Variants in PRELID2 observed in about 807,000 individuals in gnomAD.
PRELID2 encodes PRELI domain-containing protein 2.
A neutral mutation model predicts 28.4 loss-of-function variants in PRELID2; 25 were observed. The ratio of observed to expected loss-of-function variants is 0.88; its 90% confidence interval spans 0.64 to 1.23. The LOEUF is 1.23. Among genes scored for constraint, PRELID2 ranks in the 50% most tolerant of loss-of-function variants. The pLI is 0.00. For synonymous variants in PRELID2, 76 were observed against 71.6 expected, an observed-to-expected ratio of 1.06 and a Z score of -0.31; for missense variants, 201 against 214.4, an observed-to-expected ratio of 0.94 and a Z score of 0.39.
At chr5:145,652,333 G>A (rs1444613782) in intron 1 of PRELID2, among the ~76,000 whole-genome samples, 1 of 152,140 alleles carries the variant, frequency 6.6e-6, no homozygotes, top group Non-Finnish European at 1.5e-5. Flanking sequence ...CACTCTGCAG[G>A]ATGTTATCCA....
the PRELID2 span, among the ~76,000 whole-genome samples, chr5:145,294,104 T>C: frequency 6.6e-6 from 1 of 152,180 alleles, no homozygotes; most frequent in Non-Finnish European, 1.5e-5. Context: ...CACATCTTTT[T>C]GAAAAATTAT....
intron 1 of PRELID2, among the ~76,000 whole-genome samples, chr5:145,529,014 C>T (rs1425852337): frequency 6.6e-6 from 1 of 152,168 alleles, no homozygotes; most frequent in Non-Finnish European, 1.5e-5. Context: ...CCTCCGTTTT[C>T]CCTGCTAGGG....
chr5:145,817,450 A>T (rs1413463083), intron 4 of PRELID2, among the ~76,000 whole-genome samples: 7 of 48,980 alleles, frequency 1.4e-4, no homozygotes, highest in African/African-American at 3.8e-4. Flanking sequence ...TATATATATC[A>T]CATGGTTTAA....
At chr5:145,756,295 T>C (rs1417901301), downstream of PRELID2, among the ~76,000 whole-genome samples, 1 of 152,184 alleles carries the variant, frequency 6.6e-6, no homozygotes, top group Non-Finnish European at 1.5e-5. Context: ...AACCACAAGC[T>C]TGGCTGAGAG....
At position 145,695,267 on chromosome 5, in the gene PRELID2, C is replaced by T. The variant is rs377260328; in HGVS notation, n.70+69664G>A. Among the ~76,000 whole-genome samples, 93 of 152,208 alleles carry T rather than the reference C, an allele frequency of 6.1e-4. 2 individuals carry two copies. The South Asian group carries it at 0.018, about 29-fold the overall frequency. The stretch of plus-strand genomic sequence containing the variant: ...CTGAAAGATGAGAATAAGTCAGTCA[C>T]GTCAAGAGGCAGAAGAAGAGCTGCT... On this transcript the variant is annotated intron_variant and non_coding_transcript_variant, in intron 1 of 2. Transcript: ENST00000510259.
chr5:145,312,172 T>A, the PRELID2 span, among the ~76,000 whole-genome samples: 1 of 149,772 alleles, frequency 6.7e-6, no homozygotes, highest in African/African-American at 2.4e-5. Context: ...ATGATGAGAC[T>A]CTGTCTCTAC....
intron 1 of PRELID2, among the ~76,000 whole-genome samples, chr5:145,613,649 T>G (rs1753654577): frequency 6.6e-6 from 1 of 152,146 alleles, no homozygotes; most frequent in South Asian, 2.1e-4. Context: ...TTGTCTATTC[T>G]TAACCCACTT....
At chr5:145,600,587 T>C (rs73311508) in intron 1 of PRELID2, among the ~76,000 whole-genome samples, 18,153 of 151,430 alleles carry the variant, frequency 0.12, 3,047 homozygotes, top group African/African-American at 0.38. Flanking sequence ...GTAGCACTCT[T>C]TGGCTTTTAG....
chr5:145,366,950 A>G, the PRELID2 span, among the ~76,000 whole-genome samples: 1 of 151,948 alleles, frequency 6.6e-6, no homozygotes, highest in Admixed American at 6.6e-5. Context: ...TCTAAAAGCC[A>G]TCAATAGGTA....
chr5:145,254,357 A>G, the PRELID2 span, among the ~76,000 whole-genome samples: 2 of 152,108 alleles, frequency 1.3e-5, no homozygotes, highest in African/African-American at 2.4e-5. Flanking sequence ...TGAGGGATTT[A>G]AAAAAACAAA....
rs866326052 is a variant in PRELID2, at chr5:145,741,112, T to C, written n.70+23819A>G. Among the ~76,000 whole-genome samples, 407 of 117,268 alleles carry C rather than the reference T, an allele frequency of 3.5e-3. 4 individuals are homozygous for C. The highest frequency in any genetic ancestry group is 0.014 in the African/African-American group (396 of 29,006). The allele number at this position is 117,268 out of a possible 152,430, so 76.9% of individuals were successfully genotyped here. A position where few individuals can be genotyped will look rare whatever the true frequency, so the allele number is the denominator to read the frequency against. Reference sequence around the variant, plus strand: ...AAATATACATATTTTATGCTTTACATATAAATATATAATATATAAATATAT... The same window carrying C: ...AAATATACATATTTTATGCTTTACACATAAATATATAATATATAAATATAT... On this transcript the variant is annotated intron_variant and non_coding_transcript_variant, in intron 1 of 2. Coordinates refer to the PRELID2 transcript ENST00000510259.
chr5:145,542,513 TG>T (rs1752751744), intron 1 of PRELID2, among the ~76,000 whole-genome samples: 1 of 152,056 alleles, frequency 6.6e-6, no homozygotes, highest in Admixed American at 6.6e-5. Flanking sequence ...ACTTCACTAT[TG>T]GGAGAAAAAA....
intron 5 of PRELID2, among the ~76,000 whole-genome samples, chr5:145,790,357 C>T (rs1259817287): frequency 6.6e-6 from 1 of 151,938 alleles, no homozygotes; most frequent in Non-Finnish European, 1.5e-5. Flanking sequence ...CATGGATAAA[C>T]CTGGAGAACA....
chr5:145,828,962 C>T (rs1293489137), intron 1 of PRELID2, among the ~76,000 whole-genome samples: 4 of 151,486 alleles, frequency 2.6e-5, no homozygotes, highest in Admixed American at 6.6e-5. Context: ...CTCAGCCTCC[C>T]GAGTACCTGG....
chr5:145,357,552 T>C, the PRELID2 span, among the ~76,000 whole-genome samples: 2 of 152,350 alleles, frequency 1.3e-5, no homozygotes, highest in African/African-American at 2.4e-5. Flanking sequence ...GCAATGGTAC[T>C]ATGAAATTCT....
chr5:145,757,690 A>G lies in PRELID2; in HGVS notation c.*2846T>C, dbSNP rs114572387. Among the ~76,000 whole-genome samples, 1,316 of 152,104 alleles carry G rather than the reference A, an allele frequency of 8.7e-3. 15 individuals are homozygous for G. Among genetic ancestry groups the G allele is most frequent in the African/African-American group, 0.029 (1,203 of 41,516 alleles). ...TTAATTCCAAAAAGAGGACAGACAC[A>G]GTGGCTCAAGCCTGTAATCCCAGCA... On this transcript the variant is annotated 3_prime_UTR_variant, in exon 7 of 7. Transcript: ENST00000683046.
chr5:145,291,813 T>A, the PRELID2 span, among the ~76,000 whole-genome samples: 1 of 152,212 alleles, frequency 6.6e-6, no homozygotes, highest in African/African-American at 2.4e-5. Flanking sequence ...AAAGTATAAA[T>A]TCGGTGTCTT....
At chr5:145,286,521 G>T in the PRELID2 span, among the ~76,000 whole-genome samples, 4 of 151,942 alleles carry the variant, frequency 2.6e-5, no homozygotes, top group African/African-American at 9.7e-5. Context: ...ATATTGAGTC[G>T]GATTGAAATT....
chr5:145,620,498 C>T (rs547587863), intron 1 of PRELID2, among the ~76,000 whole-genome samples: 18 of 152,254 alleles, frequency 1.2e-4, no homozygotes, highest in Admixed American at 3.3e-4. Context: ...TGTGAGGGAG[C>T]ACTAGGTATA....
Sources: gnomAD v4.1 joint callset for allele counts (sites outside exome capture counted in the v4.1 genomes callset) on GRCh38, gnomAD v4.1.1 for gene constraint, MANE v1.5 for transcripts, NCBI Gene and HGNC (gene_info 2026-07-23, HGNC 2026-07-21) for gene names.